SUOX: variants seen among roughly 807,000 people sequenced by gnomAD.
The protein encoded by SUOX is sulfite oxidase, mitochondrial.
Under a neutral mutation model 41.9 loss-of-function variants are expected in SUOX, and 39 were observed. The observed-to-expected ratio is 0.93, with a 90% CI of 0.72 to 1.21. The LOEUF (loss-of-function observed/expected upper bound fraction) is 1.21, where lower values mean the gene tolerates loss of function less well. Among genes scored for constraint, SUOX ranks in the 50% most tolerant of loss-of-function variants. SUOX has a pLI of 0.00. For missense variants in SUOX, 633 were observed against 689.5 expected, an observed-to-expected ratio of 0.92 and a Z score of 0.92; for synonymous variants, 220 against 268.4, an observed-to-expected ratio of 0.82 and a Z score of 1.76.
intron 2 of SUOX, among the ~76,000 whole-genome samples, chr12:55,999,110 G>A (rs753875710): frequency 6.6e-6 from 1 of 151,354 alleles, no homozygotes; most frequent in African/African-American, 2.4e-5. Flanking sequence ...CACCATGACT[G>A]GCCAAAAAAA....
In SUOX at chr12:56,004,378, A is replaced by G. The variant is rs767860898; in HGVS notation, c.989A>G (p.Tyr330Cys). 3.1e-6 allele frequency: 5 copies of G among 1,613,920 alleles called. No individual in the cohort carries two copies. The highest frequency in any genetic ancestry group is 1.7e-5 in the Admixed American group (1 of 60,000). ...GACTCAGACCCTACTGGGACTGCCT[A>G]TGGAGCATCCATCCCTCTGGCTCGG... ...GLDSDPTGTA[Y>C]GASIPLARAM... The change falls in exon 5 of 5, where the codon TAT becomes TGT. Residue 330 changes from tyrosine to cysteine, a missense_variant. By Grantham distance (194) the Tyr-to-Cys change is radical. Transcript: ENST00000266971. This position sits in a 1 kb window ranked among gnomAD's most constrained non-coding sequence, Gnocchi z 4.5.
chr12:56,003,497 G>A (rs1270815900), intron 4 of SUOX, 121 bp from the exon 5 acceptor site: 1 of 884,892 alleles, frequency 1.1e-6, no homozygotes, highest in Non-Finnish European at 1.8e-6. Flanking sequence ...CCGACCTTAT[G>A]TGATCCGCCC....
chr12:56,002,896 A>T (rs1890587366), intron 4 of SUOX, 176 bp downstream of exon 4: 1 of 633,878 alleles, frequency 1.6e-6, no homozygotes, highest in Non-Finnish European at 2.8e-6. Context: ...GTGTGGTGGT[A>T]CATACCTGTA....
At chr12:56,002,492 C>G in intron 3 of SUOX, 51 bp from the exon 4 acceptor site, 1 of 1,610,390 alleles carries the variant, frequency 6.2e-7, no homozygotes. Flanking sequence ...CAAGCCTTCA[C>G]TAGCCCTTTC....
Position 56,004,605 on chromosome 12 carries a change from T to C in SUOX, c.1216T>C (p.Ser406Pro), listed in dbSNP as rs1890671739. 1 of 1,614,044 alleles carries C rather than the reference T, an allele frequency of 6.2e-7. No individual in the cohort carries two copies. Among genetic ancestry groups the C allele is most frequent in the African/African-American group, 1.3e-5 (1 of 74,908 alleles). ...GCGGGATTACAAAGGCTTCTCTCCA[T>C]CTGTGGACTGGGAGACTGTAGATTT... Reference protein sequence around the residue: ...QRRDYKGFSPSVDWETVDFDS... With the variant: ...QRRDYKGFSPPVDWETVDFDS... Residue 406 changes from serine to proline, a missense_variant, in exon 5 of 5, where the codon TCT becomes CCT. Coordinates refer to ENST00000266971, the MANE Select transcript of SUOX (RefSeq NM_001032386.2). This position sits in a 1 kb window ranked among gnomAD's most constrained non-coding sequence, Gnocchi z 4.5.
chr12:56,003,745 CA>C lies in SUOX; in HGVS notation c.357del (p.Pro122LeufsTer4). The part of the protein sequence containing the change: ...FDVTEFVDLH[P>X]GGPSKLMLAA... ...GTCACAGAATTTGTGGACCTACATC[CA>C]GGGGGGCCTTCAAAGCTGATGCTAG... is the stretch of plus-strand genomic sequence containing the variant. On this transcript the variant is annotated frameshift_variant, in exon 5 of 5. Coordinates refer to ENST00000266971, the MANE Select transcript of SUOX (RefSeq NM_001032386.2). LOFTEE classifies it high-confidence loss of function. 6.2e-7 allele frequency: 1 copy of C among 1,613,276 alleles called. No homozygotes were observed. Among genetic ancestry groups the C allele is most frequent in the Non-Finnish European group, 8.5e-7 (1 of 1,179,422 alleles).
chr12:55,998,877 C>T (rs1890407891), intron 2 of SUOX, among the ~76,000 whole-genome samples: 1 of 151,534 alleles, frequency 6.6e-6, no homozygotes, highest in African/African-American at 2.4e-5. Context: ...TAATTCATTG[C>T]AGTCTCGACC....
chr12:56,002,057 G>A (rs1890550195), intron 2 of SUOX, 155 bp from the exon 3 acceptor site: 1 of 1,479,378 alleles, frequency 6.8e-7, no homozygotes, highest in Admixed American at 2.0e-5. Context: ...TTTTCTCTAA[G>A]GGCCCATTTG....
chr12:56,002,412 A>T, intron 3 of SUOX, 131 bp from the exon 4 acceptor site: 1 of 1,499,424 alleles, frequency 6.7e-7, no homozygotes, highest in Non-Finnish European at 9.2e-7. Context: ...CACTTTTCCC[A>T]CCTATCCCTG....
intron 2 of SUOX, among the ~76,000 whole-genome samples, chr12:56,000,604 C>T (rs1024888899): frequency 5.3e-5 from 8 of 152,170 alleles, no homozygotes; most frequent in Non-Finnish European, 1.2e-4. Flanking sequence ...AGTGCAGCGG[C>T]GAGCTGAAGG....
chr12:55,998,383 A>AT (rs1019639741), intron 2 of SUOX, among the ~76,000 whole-genome samples: 3 of 137,972 alleles, frequency 2.2e-5, no homozygotes, highest in African/African-American at 8.2e-5. Flanking sequence ...TCATCTCTAC[A>AT]AAAAAAAAAA....
chr12:56,002,345 C>T, intron 3 of SUOX, 74 bp downstream of exon 3: 5 of 1,558,258 alleles, frequency 3.2e-6, no homozygotes, highest in Non-Finnish European at 4.4e-6. Flanking sequence ...AATGTCATAC[C>T]TTGCAAATAA....
chr12:56,000,243 A>T (rs1212424921), intron 2 of SUOX, among the ~76,000 whole-genome samples: 2 of 152,190 alleles, frequency 1.3e-5, no homozygotes, highest in Non-Finnish European at 2.9e-5. Flanking sequence ...GCCCACGGCG[A>T]AGGGGGGCTC....
chr12:56,000,484 C>T (rs1253394543), intron 2 of SUOX, among the ~76,000 whole-genome samples: 4 of 152,216 alleles, frequency 2.6e-5, no homozygotes, highest in Non-Finnish European at 4.4e-5. Flanking sequence ...CCAGCTGGCC[C>T]GCAAGCTCCG....
Position 56,003,978 on chromosome 12 carries a change from G to C in SUOX, c.589G>C (p.Glu197Gln). The C allele has an allele frequency of 6.2e-7, 1 of 1,614,132 alleles. No homozygotes were observed. Among genetic ancestry groups the C allele is most frequent in the Non-Finnish European group, 8.5e-7 (1 of 1,180,032 alleles). ...KVNSQRPFNA[E>Q]PPPELLTENY... ...CAACAGCCAGCGGCCCTTTAATGCA[G>C]AGCCTCCCCCTGAGCTGCTGACAGA... The change falls in exon 5 of 5, where the codon GAG becomes CAG. Residue 197 changes from glutamate to glutamine, a missense_variant. Physicochemically the swap from Glu to Gln is conservative, Grantham distance 29 (BLOSUM62 2). Coordinates refer to ENST00000266971, the MANE Select transcript of SUOX (RefSeq NM_001032386.2).
chr12:56,001,808 C>G lies in SUOX; in HGVS notation c.-10-404C>G, dbSNP rs1169248997. 1.0e-5 allele frequency: 6 copies of G among 575,646 alleles called. No homozygotes were observed. The highest frequency in any genetic ancestry group is 1.6e-3 in the Middle Eastern group (2 of 1,236). The allele number at this position is 575,646 out of a possible 1,614,324, so 35.7% of individuals were successfully genotyped here. On this transcript the variant is annotated intron_variant, in intron 2 of 4. Coordinates refer to ENST00000266971, the MANE Select transcript of SUOX (RefSeq NM_001032386.2). ...TTCACTTTTTTATCCCTGTTTAAGT[C>G]AGTCTGACCCACAGTTGTCCTCTGC... is the stretch of plus-strand genomic sequence containing the variant.
In SUOX at chr12:56,004,179, T is replaced by C; in HGVS notation, c.790T>C (p.Cys264Arg). 6.2e-7 allele frequency: 1 copy of C among 1,614,150 alleles called. No homozygotes were observed. Among genetic ancestry groups the C allele is most frequent in the Non-Finnish European group, 8.5e-7 (1 of 1,180,026 alleles). The change falls in exon 5 of 5, where the codon TGT (cysteine) becomes CGT (arginine). Residue 264 changes from cysteine (C) to arginine (R), a missense_variant. Cys to Arg is a radical substitution (Grantham distance 180, BLOSUM62 -3). Coordinates refer to ENST00000266971, the MANE Select transcript of SUOX (RefSeq NM_001032386.2). The surrounding 1 kb of genome is among the most constrained non-coding windows in gnomAD (Gnocchi z 4.5). ...GTACGAGATCACAGTCACTCTGCAG[T>C]GTGCCGGCAACCGACGCTCTGAGAT... ...PRYEITVTLQ[C>R]AGNRRSEMTQ...
At position 56,000,415 on chromosome 12, in the gene SUOX, GCAGGGCCAGC is replaced by G. The variant is rs1207973379; in HGVS notation, c.-10-1795_-10-1786del. On this transcript the variant is annotated intron_variant, in intron 2 of 4. Transcript: ENST00000266971. The stretch of plus-strand genomic sequence containing the variant: ...GTAAGCCCCTCATTGCCCGGGGCCG[GCAGGGCCAGC>G]CGGCTGCTCCGTGTGCGGGGCCTGC... Among the ~76,000 whole-genome samples, 6 of 152,376 alleles carry G rather than the reference GCAGGGCCAGC, an allele frequency of 3.9e-5. No individual in the cohort carries two copies. The East Asian group carries it at 1.2e-3, about 29-fold the overall frequency.
chr12:56,000,145 C>T (rs1156935607), intron 2 of SUOX, among the ~76,000 whole-genome samples: 2 of 152,222 alleles, frequency 1.3e-5, no homozygotes, highest in Non-Finnish European at 2.9e-5. Flanking sequence ...GCCATGCGCC[C>T]GCACTCCTCA....
Sources: gnomAD v4.1 joint callset for allele counts (sites outside exome capture counted in the v4.1 genomes callset) on GRCh38, gnomAD v4.1.1 for gene constraint, Gnocchi (gnomAD v3.1) non-coding constraint, MANE v1.5 for transcripts, NCBI Gene and HGNC (gene_info 2026-07-23, HGNC 2026-07-21) for gene names.